EML6: variants seen among roughly 807,000 people sequenced by gnomAD.
EML6 encodes EMAP like 6, also known as echinoderm microtubule-associated protein-like 6.
A neutral mutation model predicts 240.1 loss-of-function variants in EML6; 154 were observed. That is an observed-to-expected ratio of 0.64 (90% confidence interval 0.56 to 0.73). The LOEUF is 0.73. Ranked by LOEUF, EML6 falls within the 30% of genes least tolerant of loss-of-function variation. The pLI, the probability that EML6 is intolerant of heterozygous loss-of-function variation, is 0.00. For synonymous variants in EML6, 1,148 were observed against 899.0 expected, an observed-to-expected ratio of 1.28 and a Z score of -4.95; for missense variants, 2,964 against 2,474.6, an observed-to-expected ratio of 1.20 and a Z score of -4.20.
Position 54,895,294 on chromosome 2 carries a change from C to A in EML6, c.2876C>A (p.Pro959His). 6.4e-7 allele frequency: 1 copy of A among 1,551,704 alleles called. No homozygotes were observed. Among genetic ancestry groups the A allele is most frequent in the Non-Finnish European group, 8.7e-7 (1 of 1,146,912 alleles). ...CCAGGCTTGCTTTTGGAAGATAACC[C>A]TTCAATTCGTGCCATCACTTTGGGA... is the stretch of plus-strand genomic sequence containing the variant. ...SSKGLLLEDN[P>H]SIRAITLGHG... Residue 959 changes from proline to histidine, a missense_variant, in exon 21 of 42, where the codon CCT becomes CAT. Physicochemically the swap from Pro to His is moderately conservative, Grantham distance 77 (BLOSUM62 -2). Transcript: ENST00000356458.
chr2:54,788,078 G>A (rs759704396), intron 2 of EML6, among the ~76,000 whole-genome samples: 49 of 152,120 alleles, frequency 3.2e-4, no homozygotes, highest in Non-Finnish European at 1.5e-4. Flanking sequence ...CCCTTCGCAC[G>A]TGTTTTCTTT....
intron 7 of EML6, among the ~76,000 whole-genome samples, chr2:54,840,563 T>C (rs1669389894): frequency 6.6e-6 from 1 of 152,224 alleles, no homozygotes; most frequent in Non-Finnish European, 1.5e-5. Flanking sequence ...AGAGTAGTGC[T>C]GAATAAAAAT....
chr2:54,835,361 T>A (rs112310815), intron 7 of EML6, among the ~76,000 whole-genome samples: 244 of 152,300 alleles, frequency 1.6e-3, no homozygotes, highest in African/African-American at 5.6e-3. Context: ...GAAGTAGCTG[T>A]CAGGTGAATG....
At chr2:54,883,973 TCAA>T (rs767270577) in intron 17 of EML6, among the ~76,000 whole-genome samples, 3 of 152,194 alleles carry the variant, frequency 2.0e-5, no homozygotes, top group Non-Finnish European at 2.9e-5. Flanking sequence ...GTTTTCTCAC[TCAA>T]CAACAATCTG....
chr2:54,894,799 T>G, intron 19 of EML6, 116 bp from the exon 20 acceptor site: 1 of 630,864 alleles, frequency 1.6e-6, no homozygotes, highest in Non-Finnish European at 2.8e-6. Flanking sequence ...CCATCTCATA[T>G]ATTTAGGAAG....
chr2:54,945,356 T>C (rs1675643095), intron 28 of EML6, among the ~76,000 whole-genome samples: 1 of 149,822 alleles, frequency 6.7e-6, no homozygotes, highest in South Asian at 2.1e-4. Flanking sequence ...TGGAGCATTT[T>C]ATGCCACATT....
chr2:54,915,328 G>C (rs1420178927), intron 25 of EML6, among the ~76,000 whole-genome samples: 1 of 152,084 alleles, frequency 6.6e-6, no homozygotes, highest in Non-Finnish European at 1.5e-5. Flanking sequence ...ATCACTGTAG[G>C]GATTGCGAGT....
chr2:54,773,174 G>A (rs1169964822), intron 2 of EML6, among the ~76,000 whole-genome samples: 1 of 152,228 alleles, frequency 6.6e-6, no homozygotes, highest in Non-Finnish European at 1.5e-5. Flanking sequence ...TCTCCCCTAA[G>A]GTACTAATGG....
intron 2 of EML6, among the ~76,000 whole-genome samples, chr2:54,770,228 G>A (rs1331133569): frequency 1.3e-5 from 2 of 152,132 alleles, no homozygotes; most frequent in Admixed American, 6.5e-5. Flanking sequence ...ACTATAAATA[G>A]TATAAGGATA....
At chr2:54,943,071 T>G (rs1404248982) in intron 28 of EML6, among the ~76,000 whole-genome samples, 2 of 152,272 alleles carry the variant, frequency 1.3e-5, no homozygotes, top group South Asian at 4.1e-4. Flanking sequence ...TCCTCCATCC[T>G]TTCCTTTGGT....
intron 28 of EML6, among the ~76,000 whole-genome samples, chr2:54,939,499 G>A (rs559302779): frequency 4.6e-5 from 7 of 152,202 alleles, no homozygotes; most frequent in Non-Finnish European, 1.0e-4. Flanking sequence ...CCCCATGGAC[G>A]AGGACTCATT....
At position 54,864,159 on chromosome 2, in the gene EML6, CT is replaced by C. The variant is rs1041514215; in HGVS notation, c.1932+273del. 7.8e-4 allele frequency among the ~76,000 whole-genome samples: 119 copies of C among 152,272 alleles called. 1 individual carries two copies. The highest frequency in any genetic ancestry group is 2.5e-3 in the African/African-American group (102 of 41,566). ...CTTTTTGCCTCCCTAGCACCTAAAA[CT>C]TTAAAATATATTTTGAAGAAAAATG... On this transcript the variant is annotated intron_variant, in intron 13 of 41. Transcript: ENST00000356458.
intron 25 of EML6, among the ~76,000 whole-genome samples, chr2:54,915,383 G>A (rs1350743595): frequency 1.3e-5 from 2 of 152,136 alleles, no homozygotes; most frequent in Admixed American, 1.3e-4. Flanking sequence ...TTGGAAGGGA[G>A]TCAATGGCCA....
chr2:54,729,246 G>A (rs1432048278), intron 2 of EML6, among the ~76,000 whole-genome samples: 2 of 152,246 alleles, frequency 1.3e-5, no homozygotes, highest in African/African-American at 4.8e-5. Flanking sequence ...ATCTGCTGCA[G>A]TCTCACCTCT....
intron 2 of EML6, among the ~76,000 whole-genome samples, chr2:54,780,731 G>A (rs7599601): frequency 0.042 from 6,369 of 152,276 alleles, 440 homozygotes; most frequent in African/African-American, 0.14. Flanking sequence ...GAATGATAAC[G>A]GAATGAGATA....
chr2:54,853,594 T>G (rs1215741202), intron 10 of EML6, 49 bp from the exon 11 acceptor site: 4 of 1,142,620 alleles, frequency 3.5e-6, no homozygotes, highest in South Asian at 1.9e-5. Flanking sequence ...AAAAATAAAT[T>G]AGAATAAACT....
intron 7 of EML6, 46 bp from the exon 8 acceptor site, chr2:54,844,001 T>TGTGTGTGA (rs1166446124): frequency 8.3e-7 from 1 of 1,200,234 alleles, no homozygotes; most frequent in East Asian, 2.5e-5. Context: ...TGTGTGTGTG[T>TGTGTGTGA]GTGAATAGTG....
At chr2:54,797,613 ACTT>A (rs1336455177) in intron 2 of EML6, among the ~76,000 whole-genome samples, 2 of 117,404 alleles carry the variant, frequency 1.7e-5, no homozygotes, top group East Asian at 2.3e-4. Context: ...CATGTAGAAA[ACTT>A]CTTTATTGTA....
intron 2 of EML6, among the ~76,000 whole-genome samples, chr2:54,760,092 A>G (rs12622172): frequency 0.054 from 8,137 of 151,830 alleles, 459 homozygotes; most frequent in East Asian, 0.33. Context: ...AGTTTCCACT[A>G]TTTTGTAGTC....
Sources: gnomAD v4.1 joint callset for allele counts (sites outside exome capture counted in the v4.1 genomes callset) on GRCh38, gnomAD v4.1.1 for gene constraint, MANE v1.5 for transcripts, NCBI Gene and HGNC (gene_info 2026-07-23, HGNC 2026-07-21) for gene names.